The following STAB2 variants were observed in gnomAD, a reference collection of about 807,000 sequenced individuals.
The protein encoded by STAB2 is stabilin-2.
STAB2 carries 288 observed loss-of-function variants against 338.1 expected under a neutral mutation model. The observed-to-expected ratio is 0.85, with a 90% CI of 0.77 to 0.94. The LOEUF (loss-of-function observed/expected upper bound fraction) is 0.94. Among genes scored for constraint, STAB2 ranks in the 40% least tolerant of loss-of-function variants. The pLI is 0.00. For synonymous variants in STAB2, 1,202 were observed against 1,193.3 expected, an observed-to-expected ratio of 1.01 and a Z score of -0.15; for missense variants, 3,141 against 3,210.1, an observed-to-expected ratio of 0.98 and a Z score of 0.52.
intron 26 of STAB2, among the ~76,000 whole-genome samples, chr12:103,684,163 C>G (rs948788977): frequency 2.0e-5 from 3 of 152,222 alleles, no homozygotes; most frequent in Non-Finnish European, 4.4e-5. Flanking sequence ...TGTAGTGCTT[C>G]TGTGTACATC....
chr12:103,735,400 A>G (rs993236699), intron 51 of STAB2, 91 bp from the exon 52 acceptor site: 21 of 756,450 alleles, frequency 2.8e-5, no homozygotes, highest in African/African-American at 2.3e-4. Context: ...AAAAATTTGC[A>G]TCTGAATTTG....
intron 41 of STAB2, 82 bp downstream of exon 41, chr12:103,712,525 T>G (rs1405470224): frequency 9.2e-7 from 1 of 1,085,366 alleles, no homozygotes; most frequent in South Asian, 1.3e-5. Context: ...GCAGTCTGAA[T>G]GGGCCTCAGC....
chr12:103,746,846 T>C (rs1883079378), intron 58 of STAB2, 142 bp downstream of exon 58: 1 of 759,054 alleles, frequency 1.3e-6, no homozygotes, highest in African/African-American at 1.7e-5. Flanking sequence ...TGACTCAGTT[T>C]CTTTAATGGG....
intron 21 of STAB2, 121 bp downstream of exon 21, chr12:103,669,748 C>A: frequency 1.2e-6 from 1 of 816,272 alleles, no homozygotes; most frequent in Non-Finnish European, 2.0e-6. Context: ...TGACCCCTTA[C>A]TAAAAGAACA....
intron 27 of STAB2, 126 bp from the exon 28 acceptor site, chr12:103,688,042 A>T (rs2138894152): frequency 1.2e-6 from 1 of 867,634 alleles, no homozygotes; most frequent in Non-Finnish European, 1.9e-6. Context: ...AGGCCAGGAC[A>T]ACGAGCCTAG....
At chr12:103,765,018 C>T (rs1165106617) in intron 68 of STAB2, among the ~76,000 whole-genome samples, 2 of 123,604 alleles carry the variant, frequency 1.6e-5, no homozygotes, top group African/African-American at 3.1e-5. Flanking sequence ...AACTGGGAGG[C>T]GGAGGTTGCA....
chr12:103,707,398 A>G lies in STAB2; in HGVS notation c.4192+411A>G, dbSNP rs372339363. Among the ~76,000 whole-genome samples, 10 of 152,216 alleles carry G rather than the reference A, an allele frequency of 6.6e-5. No individual in the cohort carries two copies. The East Asian group carries it at 7.7e-4, about 12-fold the overall frequency. ...ATGAGTATTGCTATGCCCATTTTAC[A>G]GATGAGGGTAGTAAGGCAAAGAGGT... On this transcript the variant is annotated intron_variant, in intron 38 of 68. Transcript: ENST00000388887.
At position 103,587,522 on chromosome 12, in the gene STAB2, C is replaced by A; in HGVS notation, c.46C>A (p.Gln16Lys). Residue 16 changes from glutamine (Q) to lysine (K), a missense_variant, in exon 1 of 69, where the codon CAA becomes AAA. Transcript: ENST00000388887. The stretch of plus-strand genomic sequence containing the variant: ...AATTTTTTGTCTTGGATTGGTTGTA[C>A]AAAATTTCTGCTCCCCAGCTGAAAC... ...LVIFCLGLVV[Q>K]NFCSPAETTG... 1 of 1,614,030 alleles carries A rather than the reference C, an allele frequency of 6.2e-7. No individual in the cohort carries two copies. Among genetic ancestry groups the A allele is most frequent in the Non-Finnish European group, 8.5e-7 (1 of 1,179,958 alleles).
intron 9 of STAB2, among the ~76,000 whole-genome samples, chr12:103,645,839 A>G (rs1353070734): frequency 6.7e-6 from 1 of 149,298 alleles, no homozygotes; most frequent in Non-Finnish European, 1.5e-5. Flanking sequence ...TCTCGGTTGT[A>G]GCAACCAAGG....
Position 103,706,837 on chromosome 12 carries a change from T to C in STAB2, c.4042T>C (p.Cys1348Arg). Residue 1348 changes from cysteine (C) to arginine (R), a missense_variant, in exon 38 of 69, where the codon TGC becomes CGC. Transcript: ENST00000388887. ...CTTCTTTGGCCCCCAATGCCAGCCCTGCCCAGGGAATGCCCAGAATGTCTG... is the reference window on the plus strand; with the variant it reads ...CTTCTTTGGCCCCCAATGCCAGCCCCGCCCAGGGAATGCCCAGAATGTCTG... ...AGFFGPQCQP[C>R]PGNAQNVCFG... is the part of the protein sequence containing the mutation. 5 of 1,614,228 alleles carry C rather than the reference T, an allele frequency of 3.1e-6. No homozygotes were observed. The highest frequency in any genetic ancestry group is 4.2e-6 in the Non-Finnish European group (5 of 1,180,038).
At chr12:103,668,313 A>G (rs897332525) in intron 19 of STAB2, among the ~76,000 whole-genome samples, 1 of 152,226 alleles carries the variant, frequency 6.6e-6, no homozygotes, top group African/African-American at 2.4e-5. Flanking sequence ...AGGGATGGCT[A>G]TAGATCGGAA....
intron 52 of STAB2, among the ~76,000 whole-genome samples, chr12:103,736,596 T>G (rs1194853708): frequency 6.6e-6 from 1 of 152,056 alleles, no homozygotes; most frequent in Non-Finnish European, 1.5e-5. Context: ...TTGTTCTGTG[T>G]GTTGATATAG....
chr12:103,622,909 C>T (rs2138638778), intron 5 of STAB2, among the ~76,000 whole-genome samples: 1 of 152,302 alleles, frequency 6.6e-6, no homozygotes, highest in Non-Finnish European at 1.5e-5. Flanking sequence ...GTGGGCCCCA[C>T]CTAATTCTAA....
intron 5 of STAB2, among the ~76,000 whole-genome samples, chr12:103,627,112 C>G (rs1262748487): frequency 6.6e-6 from 1 of 152,130 alleles, no homozygotes; most frequent in Non-Finnish European, 1.5e-5. Context: ...GATGAAGAAG[C>G]AGAGAGGGTT....
chr12:103,740,319 C>T (rs975693598), intron 54 of STAB2, among the ~76,000 whole-genome samples: 1 of 152,110 alleles, frequency 6.6e-6, no homozygotes, highest in Non-Finnish European at 1.5e-5. Context: ...TGACAGCAAG[C>T]TACCTCCTTC....
At chr12:103,740,543 A>G in intron 54 of STAB2, 87 bp from the exon 55 acceptor site, 1 of 1,521,636 alleles carries the variant, frequency 6.6e-7, no homozygotes, top group Non-Finnish European at 8.7e-7. Context: ...GGCAGTACCT[A>G]AGACCTCCAT....
rs1878081092 is a variant in STAB2, at chr12:103,692,957, C to CT, written c.3375+68_3375+69insT. 2.7e-5 allele frequency: 36 copies of CT among 1,317,460 alleles called. No individual in the cohort carries two copies. The Admixed American group carries it at 3.1e-4, about 11-fold the overall frequency. 81.6% of individuals were successfully genotyped at this position (1,317,460 alleles called of 1,614,324 possible). Reference sequence around the variant, plus strand: ...CTTTGTTGTTTATCGTCCTATACAGCATTTTTTTTTTTAAATAGAAAAATA... The same window carrying CT: ...CTTTGTTGTTTATCGTCCTATACAGCTATTTTTTTTTTTAAATAGAAAAATA... On this transcript the variant is annotated intron_variant, in intron 31 of 68. Transcript: ENST00000388887.
At position 103,704,320 on chromosome 12, in the gene STAB2, TAAATG is replaced by T. The variant is rs745914039; in HGVS notation, c.3844-236_3844-232del. ...AAGTTATTGTTAAAGAATTTGGACT[TAAATG>T]AGATAAGGTCACACTTTAAAGAGTT... is the stretch of plus-strand genomic sequence containing the variant. On this transcript the variant is annotated intron_variant, in intron 35 of 68. Transcript: ENST00000388887. Among the ~76,000 whole-genome samples, 72 of 152,330 alleles carry T rather than the reference TAAATG, an allele frequency of 4.7e-4. 1 individual carries two copies. The highest frequency in any genetic ancestry group is 8.1e-4 in the Non-Finnish European group (55 of 68,018).
intron 25 of STAB2, 44 bp from the exon 26 acceptor site, chr12:103,683,161 A>C: frequency 6.4e-7 from 1 of 1,556,068 alleles, no homozygotes; most frequent in Non-Finnish European, 8.8e-7. Flanking sequence ...CATGGAAGGC[A>C]CTTGCTTTCA....
Sources: gnomAD v4.1 joint callset for allele counts (sites outside exome capture counted in the v4.1 genomes callset) on GRCh38, gnomAD v4.1.1 for gene constraint, MANE v1.5 for transcripts, NCBI Gene and HGNC (gene_info 2026-07-23, HGNC 2026-07-21) for gene names.